The following LY75 variants were observed in gnomAD, a reference collection of about 807,000 sequenced individuals.
LY75 encodes lymphocyte antigen 75.
Under a neutral mutation model 231.7 loss-of-function variants are expected in LY75, and 185 were observed. The observed-to-expected ratio is 0.80, with a 90% CI of 0.71 to 0.90. LY75 has a LOEUF of 0.90. Ranked by LOEUF, LY75 falls within the 40% of genes least tolerant of loss-of-function variation. The pLI is 0.00. For synonymous variants in LY75, 668 were observed against 689.0 expected (o/e 0.97, Z 0.48); for missense variants, 1,947 against 2,050.2 (o/e 0.95, Z 0.97).
Position 159,853,263 on chromosome 2 carries a change from T to C in LY75, c.2743+10A>G. 6.2e-7 allele frequency: 1 copy of C among 1,610,560 alleles called. No individual in the cohort carries two copies. Among genetic ancestry groups the C allele is most frequent in the Non-Finnish European group, 8.5e-7 (1 of 1,177,318 alleles). On this transcript the variant is annotated intron_variant, in intron 20 of 34. Coordinates refer to ENST00000263636, the MANE Select transcript of LY75 (RefSeq NM_002349.4). ...ATAATCAGCATTAAAGGATTTAGAATTAACTTTACCGATAAGCCAAGTCTT... is the reference window on the plus strand; with the variant it reads ...ATAATCAGCATTAAAGGATTTAGAACTAACTTTACCGATAAGCCAAGTCTT...
chr2:159,835,329 C>A, intron 26 of LY75, 151 bp downstream of exon 26: 1 of 773,874 alleles, frequency 1.3e-6, no homozygotes, highest in Non-Finnish European at 1.9e-6. Flanking sequence ...TACTTGAATA[C>A]AAATTTTCAC....
chr2:159,844,289 A>G (rs1684129523), intron 23 of LY75, among the ~76,000 whole-genome samples: 2 of 150,262 alleles, frequency 1.3e-5, no homozygotes, highest in African/African-American at 4.9e-5. Context: ...TACAATATCT[A>G]CTAATATATA....
chr2:159,820,971 A>G (rs1438302472), intron 28 of LY75, among the ~76,000 whole-genome samples: 3 of 152,072 alleles, frequency 2.0e-5, no homozygotes, highest in Non-Finnish European at 4.4e-5. Context: ...CCCGAGTAGC[A>G]GGGATTACAG....
intron 25 of LY75, among the ~76,000 whole-genome samples, chr2:159,838,805 T>A (rs7571170): frequency 0.7 from 106,901 of 151,928 alleles, 38,090 homozygotes; most frequent in Non-Finnish European, 0.73. Flanking sequence ...TAATTAATTT[T>A]TTTATTTAGA....
Position 159,835,486 on chromosome 2 carries a change from A to G in LY75, c.3667T>C (p.Ser1223Pro). ...AGATCTGAAATTCACATACTTCCTG[A>G]ATAGTAGCAAATAGCACCTGGTTGA... ...DNQPGAICYY[S>P]GNETEKEVKP... The change falls in exon 26 of 35, where the codon TCA becomes CCA. Residue 1223 changes from serine (S) to proline (P), a missense_variant. Physicochemically the swap from Ser to Pro is moderately conservative, Grantham distance 74 (BLOSUM62 -1). Coordinates refer to ENST00000263636, the MANE Select transcript of LY75 (RefSeq NM_002349.4). 1 of 1,603,816 alleles carries G rather than the reference A, an allele frequency of 6.2e-7. No individual in the cohort carries two copies. The highest frequency in any genetic ancestry group is 8.5e-7 in the Non-Finnish European group (1 of 1,176,438).
chr2:159,807,731 T>C (rs1047104861), intron 33 of LY75: 1 of 951,912 alleles, frequency 1.1e-6, no homozygotes, highest in Admixed American at 6.2e-5. Flanking sequence ...CATTTTAAAA[T>C]TCACATTTTA....
intron 25 of LY75, among the ~76,000 whole-genome samples, chr2:159,838,896 A>G (rs911349770): frequency 1.3e-5 from 2 of 152,096 alleles, no homozygotes; most frequent in Non-Finnish European, 2.9e-5. Context: ...CCCAGGTTCA[A>G]GTGATTCTGG....
At chr2:159,852,547 A>G (rs1205388249) in intron 20 of LY75, among the ~76,000 whole-genome samples, 2 of 151,634 alleles carry the variant, frequency 1.3e-5, no homozygotes, top group African/African-American at 2.4e-5. Context: ...GCCTCCCAAG[A>G]AGCTGGGATT....
rs377077463 is a variant in LY75, at chr2:159,875,527, C to T, written c.1891G>A (p.Gly631Arg). The T allele has an allele frequency of 3.1e-6, 5 of 1,613,942 alleles. No individual in the cohort carries two copies. The South Asian group carries it at 3.3e-5, about 11-fold the overall frequency. The change falls in exon 12 of 35, where the codon GGG (glycine) becomes AGG (arginine). Residue 631 changes from glycine to arginine, a missense_variant. Coordinates refer to ENST00000263636, the MANE Select transcript of LY75 (RefSeq NM_002349.4). The stretch of plus-strand genomic sequence containing the variant: ...GGCTTAGGGGATGCTTCTTCAGGCC[C>T]AAGGGGTCCACTCATTTTCTTGCAA... The part of the protein sequence containing the change: ...SICKKMSGPL[G>R]PEEASPKPDD...
At position 159,858,345 on chromosome 2, in the gene LY75, G is replaced by A. The variant is rs765078574; in HGVS notation, c.2383+17C>T. The A allele has an allele frequency of 6.2e-7, 1 of 1,610,418 alleles. No individual in the cohort carries two copies. Among genetic ancestry groups the A allele is most frequent in the African/African-American group, 1.3e-5 (1 of 74,654 alleles). Reference sequence around the variant, plus strand: ...GTTAACATGAGAAGGTTGTGAAAAGGAATAACTACCACTTACCTTTTGGAA... The same window carrying A: ...GTTAACATGAGAAGGTTGTGAAAAGAAATAACTACCACTTACCTTTTGGAA... On this transcript the variant is annotated intron_variant, in intron 16 of 34. Coordinates refer to ENST00000263636, the MANE Select transcript of LY75 (RefSeq NM_002349.4).
At chr2:159,818,583 TA>T (rs1683192820) in intron 29 of LY75, among the ~76,000 whole-genome samples, 1 of 152,118 alleles carries the variant, frequency 6.6e-6, no homozygotes, top group Admixed American at 6.5e-5. Flanking sequence ...AAAAGTATGT[TA>T]AATAAAAACT....
chr2:159,878,829 G>C, intron 9 of LY75, 108 bp from the exon 10 acceptor site: 1 of 1,199,818 alleles, frequency 8.3e-7, no homozygotes, highest in Non-Finnish European at 1.2e-6. Context: ...TGTGGAAATT[G>C]AGGACATGGC....
At chr2:159,902,967 C>T (rs185147564) in intron 1 of LY75, 1 of 152,374 alleles carries the variant, frequency 6.6e-6, no homozygotes, top group African/African-American at 2.4e-5. Flanking sequence ...GCACATGTGA[C>T]GAGGTGCATG....
intron 16 of LY75, 96 bp downstream of exon 16, chr2:159,858,266 C>T: frequency 6.9e-7 from 1 of 1,455,446 alleles, no homozygotes; most frequent in South Asian, 1.4e-5. Context: ...TTTTAGACAT[C>T]AGAATTATAG....
chr2:159,849,300 A>G (rs561444822), intron 23 of LY75, among the ~76,000 whole-genome samples: 106 of 152,314 alleles, frequency 7.0e-4, no homozygotes, highest in African/African-American at 2.3e-3. Context: ...TGCATCCAGA[A>G]AGTATAGAGA....
Position 159,850,800 on chromosome 2 carries a change from T to TATATATA in LY75, c.2884-334_2884-333insTATATAT, listed in dbSNP as rs1560081076. ...TATATATATATATATATATATATAT[T>TATATATA]ATATCTTATATATAAGATATATATT... On this transcript the variant is annotated intron_variant, in intron 21 of 34. Coordinates refer to ENST00000263636, the MANE Select transcript of LY75 (RefSeq NM_002349.4). 1.8e-3 allele frequency among the ~76,000 whole-genome samples: 106 copies of TATATATA among 59,386 alleles called. 3 individuals carry two copies. The highest frequency in any genetic ancestry group is 7.7e-3 in the Middle Eastern group (1 of 130). 39.0% of individuals were successfully genotyped at this position (59,386 alleles called of 152,430 possible). A position where few individuals can be genotyped will look rare whatever the true frequency, so the allele number is the denominator to read the frequency against.
chr2:159,858,377 A>C lies in LY75; in HGVS notation c.2368T>G (p.Cys790Gly). ...TACCACTTACCTTTTGGAATTTGGC[A>C]CACCCATTCAAGTTTTGTATCACAA... ...FACDTKLEWV[C>G]QIPKGRTPKT... Residue 790 changes from cysteine (C) to glycine (G), a missense_variant, in exon 16 of 35, where the codon TGC becomes GGC. Cys to Gly is a radical substitution (Grantham distance 159, BLOSUM62 -3). Transcript: ENST00000263636. 6.2e-7 allele frequency: 1 copy of C among 1,613,300 alleles called. No homozygotes were observed.
In LY75 at chr2:159,877,030, A is replaced by G. The variant is rs865782509; in HGVS notation, c.1774+1294T>C. Among the ~76,000 whole-genome samples the G allele has an allele frequency of 4.4e-3, 638 of 146,308 alleles. 5 individuals are homozygous for G. The highest frequency in any genetic ancestry group is 0.015 in the African/African-American group (588 of 39,170). ...ATCTCAAAAAAAAAAAAAAAAAAAA[A>G]AAAAGAAAAAAGAAAAAGAAAAAAA... On this transcript the variant is annotated intron_variant, in intron 11 of 34. Coordinates refer to ENST00000263636, the MANE Select transcript of LY75 (RefSeq NM_002349.4).
At chr2:159,882,831 T>C (rs763893505) in intron 6 of LY75, among the ~76,000 whole-genome samples, 5 of 152,162 alleles carry the variant, frequency 3.3e-5, no homozygotes, top group Non-Finnish European at 5.9e-5. Flanking sequence ...AAGACATTTA[T>C]ACACTTCGCA....
Sources: allele counts gnomAD v4.1 joint callset (sites outside exome capture counted in the v4.1 genomes callset), GRCh38; gene constraint gnomAD v4.1.1; transcripts MANE v1.5; gene names NCBI Gene and HGNC (gene_info 2026-07-23, HGNC 2026-07-21).